Variants in TMEM74 observed in about 807,000 individuals in gnomAD.
TMEM74 encodes transmembrane protein 74.
TMEM74 carries 13 observed loss-of-function variants against 18.1 expected under a neutral mutation model. The observed-to-expected ratio is 0.72, with a 90% CI of 0.47 to 1.14. The LOEUF is 1.14. Among genes scored for constraint, TMEM74 ranks in the 50% most tolerant of loss-of-function variants. The pLI is 0.00. For missense variants in TMEM74, 372 were observed against 375.9 expected (o/e 0.99, Z 0.09); for synonymous variants, 159 against 146.6 (o/e 1.08, Z -0.61).
chr8:108,700,936 C>G (rs1586266132), intron 1 of TMEM74, among the ~76,000 whole-genome samples: 1 of 151,952 alleles, frequency 6.6e-6, no homozygotes, highest in Non-Finnish European at 1.5e-5. Context: ...GATTATTATT[C>G]TCATTTTGGA....
At chr8:108,732,273 C>T (rs906061522) in intron 1 of TMEM74, among the ~76,000 whole-genome samples, 2 of 152,140 alleles carry the variant, frequency 1.3e-5, no homozygotes, top group Admixed American at 6.6e-5. Context: ...AAAGAAACAG[C>T]ATATTTGTTA....
intron 2 of TMEM74, among the ~76,000 whole-genome samples, chr8:108,641,531 A>C (rs1331363177): frequency 1.3e-5 from 2 of 152,008 alleles, no homozygotes; most frequent in Non-Finnish European, 2.9e-5. Context: ...TCTTGAGGTC[A>C]CACTGTAAGG....
chr8:108,784,543 C>A lies in TMEM74; in HGVS notation c.556G>T (p.Val186Phe), dbSNP rs779723442. ...YGFISAILFL[V>F]TGILLVIISY... ...ATGATCACGAGCAGGATCCCAGTGA[C>A]CAAGAACAAGATGGCGCTGATGAAA... Residue 186 changes from valine to phenylalanine, a missense_variant, in exon 2 of 2, where the codon GTC becomes TTC. Transcript: ENST00000297459. The A allele has an allele frequency of 3.1e-6, 5 of 1,614,004 alleles. No homozygotes were observed. In the African/African-American group the frequency reaches 6.7e-5, roughly 22 times the overall value.
At chr8:108,623,557 GT>G (rs1432022549) in intron 2 of TMEM74, among the ~76,000 whole-genome samples, 4 of 152,124 alleles carry the variant, frequency 2.6e-5, no homozygotes, top group African/African-American at 9.6e-5. Context: ...TATATAATTA[GT>G]TGTTTATTTA....
chr8:108,680,305 A>C (rs1305833757), intron 1 of TMEM74, among the ~76,000 whole-genome samples: 1 of 152,200 alleles, frequency 6.6e-6, no homozygotes, highest in Non-Finnish European at 1.5e-5. Flanking sequence ...GCACATCAAA[A>C]AGCTTATCCA....
intron 2 of TMEM74, among the ~76,000 whole-genome samples, chr8:108,650,178 C>G (rs1250050694): frequency 2.6e-5 from 4 of 152,170 alleles, no homozygotes; most frequent in Admixed American, 1.3e-4. Flanking sequence ...GTTGTCCCAT[C>G]ATCTTCCCCA....
At chr8:108,702,906 G>A (rs1813351541) in intron 1 of TMEM74, among the ~76,000 whole-genome samples, 1 of 149,846 alleles carries the variant, frequency 6.7e-6, no homozygotes, top group African/African-American at 2.5e-5. Flanking sequence ...GTAATAAACA[G>A]TGAGTGGGTA....
At chr8:108,687,837 G>A (rs1448168088) in intron 1 of TMEM74, among the ~76,000 whole-genome samples, 6 of 152,066 alleles carry the variant, frequency 3.9e-5, no homozygotes, top group Non-Finnish European at 8.8e-5. Flanking sequence ...ATGAAGCTTT[G>A]CTCGCTCACC....
chr8:108,753,419 A>G (rs960160379), intron 1 of TMEM74, among the ~76,000 whole-genome samples: 2 of 152,082 alleles, frequency 1.3e-5, no homozygotes, highest in African/African-American at 4.8e-5. Flanking sequence ...AGCATTTGCC[A>G]TAAAAATATC....
Position 108,655,517 on chromosome 8 carries a change from AAC to A in TMEM74, n.120-82_120-81del, listed in dbSNP as rs372291281. ...ATGATCTGTGGTACGTTTAAAAAGA[AAC>A]ACTTAGAAAGTGACCTTGCAAAGCC... On this transcript the variant is annotated intron_variant and non_coding_transcript_variant, in intron 1 of 3. Transcript: ENST00000518838. 5.9e-5 allele frequency: 9 copies of A among 152,316 alleles called. No individual in the cohort carries two copies. In the South Asian group the frequency reaches 1.9e-3, roughly 32 times the overall value. The allele number at this position is 152,316 out of a possible 1,614,324, so 9.4% of individuals were successfully genotyped here.
intron 1 of TMEM74, among the ~76,000 whole-genome samples, chr8:108,771,916 C>T (rs952995876): frequency 2.0e-5 from 3 of 151,584 alleles, no homozygotes; most frequent in Admixed American, 6.6e-5. Flanking sequence ...ACTGATGCTC[C>T]GAAAAGTAAC....
intron 1 of TMEM74, among the ~76,000 whole-genome samples, chr8:108,688,063 C>T (rs1162285881): frequency 2.6e-5 from 4 of 152,140 alleles, no homozygotes; most frequent in African/African-American, 9.7e-5. Context: ...TGCTTAAGTT[C>T]ATTAGTATTG....
chr8:108,674,385 C>T (rs1178326183), intron 1 of TMEM74, among the ~76,000 whole-genome samples: 1 of 152,108 alleles, frequency 6.6e-6, no homozygotes, highest in East Asian at 1.9e-4. Flanking sequence ...AACAAATATC[C>T]TTGGCTTTTC....
At chr8:108,703,524 G>T (rs1469473496) in intron 1 of TMEM74, among the ~76,000 whole-genome samples, 1 of 152,188 alleles carries the variant, frequency 6.6e-6, no homozygotes, top group Non-Finnish European at 1.5e-5. Context: ...GAAGAAGGGT[G>T]TAAAGATAAG....
intron 1 of TMEM74, among the ~76,000 whole-genome samples, chr8:108,715,466 A>G (rs938016385): frequency 6.6e-6 from 1 of 152,132 alleles, no homozygotes; most frequent in Non-Finnish European, 1.5e-5. Context: ...ACAGTTCTGC[A>G]ATGGGAAATT....
chr8:108,664,856 T>C (rs1454976780), intron 1 of TMEM74, among the ~76,000 whole-genome samples: 3 of 152,106 alleles, frequency 2.0e-5, no homozygotes, highest in Non-Finnish European at 4.4e-5. Flanking sequence ...TGTTTGTGTC[T>C]CCGCTATTTT....
chr8:108,720,535 G>A (rs1402226387), intron 1 of TMEM74, among the ~76,000 whole-genome samples: 2 of 152,120 alleles, frequency 1.3e-5, no homozygotes, highest in East Asian at 3.9e-4. Flanking sequence ...CATAGCCATT[G>A]TAGAAATATT....
Position 108,779,871 on chromosome 8 carries a change from T to C in TMEM74, c.*4310A>G, listed in dbSNP as rs1332374824. On this transcript the variant is annotated 3_prime_UTR_variant, in exon 2 of 2. Coordinates refer to ENST00000297459, the MANE Select transcript of TMEM74 (RefSeq NM_153015.3). ...TATGTGTTTAAAATAACGTCTTGCT[T>C]TTTACAGTGTCAATTCACTAGGCAG... 6.6e-6 allele frequency among the ~76,000 whole-genome samples: 1 copy of C among 152,170 alleles called. No individual in the cohort carries two copies. Among genetic ancestry groups the C allele is most frequent in the African/African-American group, 2.4e-5 (1 of 41,440 alleles).
intron 2 of TMEM74, among the ~76,000 whole-genome samples, chr8:108,625,911 G>C (rs1812488872): frequency 1.3e-5 from 2 of 151,986 alleles, no homozygotes; most frequent in Non-Finnish European, 2.9e-5. Flanking sequence ...GGGGTACATA[G>C]TAGGTCAAGC....
Sources: gnomAD v4.1 joint callset for allele counts (sites outside exome capture counted in the v4.1 genomes callset) on GRCh38, gnomAD v4.1.1 for gene constraint, MANE v1.5 for transcripts, NCBI Gene and HGNC (gene_info 2026-07-23, HGNC 2026-07-21) for gene names.